Variants in PEX7 observed in about 807,000 individuals in gnomAD.
PEX7 encodes the protein peroxisomal biogenesis factor 7.
In PEX7, 34 loss-of-function variants were observed where a neutral mutation model predicts 47.5. The observed-to-expected ratio is 0.72, with a 90% CI of 0.54 to 0.95. PEX7 has a LOEUF of 0.95. Ranked by LOEUF, PEX7 falls within the 40% of genes least tolerant of loss-of-function variation. The pLI, the probability that PEX7 is intolerant of heterozygous loss-of-function variation, is 0.00. For missense variants in PEX7, 394 were observed against 400.3 expected (o/e 0.98, Z 0.13); for synonymous variants, 141 against 148.8 (o/e 0.95, Z 0.38).
chr6:136,845,716 A>G (rs751370922), intron 4 of PEX7, 24 bp downstream of exon 4: 2 of 1,372,042 alleles, frequency 1.5e-6, no homozygotes, highest in South Asian at 1.2e-5. Context: ...ATTGTATTCA[A>G]AAACGAATAT....
Position 136,866,168 on chromosome 6 carries a change from C to T in PEX7, c.527-459C>T, listed in dbSNP as rs1036037808. Among the ~76,000 whole-genome samples the T allele has an allele frequency of 1.1e-4, 16 of 151,586 alleles. No individual in the cohort carries two copies. The East Asian group carries it at 1.5e-3, about 15-fold the overall frequency. ...GAGAAAAATACACTTATAGCTGGCC[C>T]GTTAAAATATAGTATACTTGACAAT... is the stretch of plus-strand genomic sequence containing the variant. On this transcript the variant is annotated intron_variant, in intron 5 of 9. Transcript: ENST00000318471.
At position 136,846,295 on chromosome 6, in the gene PEX7, T is replaced by C. The variant is rs1774599538; in HGVS notation, c.526+114T>C. On this transcript the variant is annotated intron_variant, in intron 5 of 9. Coordinates refer to ENST00000318471, the MANE Select transcript of PEX7 (RefSeq NM_000288.4). ...CAGAGAGAAAACAGGAGAATATTAC[T>C]ATTCTTTTGTGTTCTTAAGACTTTA... 5 of 545,324 alleles carry C rather than the reference T, an allele frequency of 9.2e-6. No homozygotes were observed. The South Asian group carries it at 1.2e-4, about 14-fold the overall frequency. 33.8% of individuals were successfully genotyped at this position (545,324 alleles called of 1,614,324 possible).
chr6:136,847,540 T>A (rs1275510060), intron 5 of PEX7, among the ~76,000 whole-genome samples: 3 of 151,616 alleles, frequency 2.0e-5, no homozygotes, highest in Non-Finnish European at 2.9e-5. Context: ...AAGGAAGGGA[T>A]CCAGTTTCAG....
In PEX7 at chr6:136,825,237, G is replaced by C; in HGVS notation, c.154G>C (p.Asp52His). 1 of 1,613,844 alleles carries C rather than the reference G, an allele frequency of 6.2e-7. No individual in the cohort carries two copies. Among genetic ancestry groups the C allele is most frequent in the South Asian group, 1.1e-5 (1 of 91,074 alleles). The change falls in exon 2 of 10, where the codon GAT becomes CAT. Residue 52 changes from aspartate to histidine, a missense_variant. By Grantham distance (81) the Asp-to-His change is moderately conservative (BLOSUM62 -1). Coordinates refer to ENST00000318471, the MANE Select transcript of PEX7 (RefSeq NM_000288.4). ...IAGCGTLLIL[D>H]PDEAGLRLFR... Reference sequence around the variant, plus strand: ...AGGCTGTGGAACCCTACTAATATTGGATCCAGATGAAGCTGGGCTAAGGCT... The same window carrying C: ...AGGCTGTGGAACCCTACTAATATTGCATCCAGATGAAGCTGGGCTAAGGCT...
chr6:136,904,332 C>T (rs1775803144), intron 9 of PEX7, among the ~76,000 whole-genome samples: 1 of 152,150 alleles, frequency 6.6e-6, no homozygotes, highest in South Asian at 2.1e-4. Context: ...GTTGTTTTCG[C>T]CAAGCCATAA....
intron 5 of PEX7, among the ~76,000 whole-genome samples, chr6:136,860,532 C>T (rs7753041): frequency 7.4e-4 from 106 of 143,956 alleles, no homozygotes; most frequent in African/African-American, 2.1e-3. Context: ...TGGGGGAAGG[C>T]GGGAGGGATA....
intron 5 of PEX7, among the ~76,000 whole-genome samples, chr6:136,848,936 C>T (rs1207507193): frequency 6.6e-6 from 1 of 152,140 alleles, no homozygotes; most frequent in Non-Finnish European, 1.5e-5. Context: ...GTACCAGCTC[C>T]TCTTTATACC....
At position 136,846,072 on chromosome 6, in the gene PEX7, G is replaced by C. The variant is rs773406384; in HGVS notation, c.418-1G>C. On this transcript the variant is annotated splice_acceptor_variant, in intron 4 of 9. Coordinates refer to ENST00000318471, the MANE Select transcript of PEX7 (RefSeq NM_000288.4). LOFTEE classifies it high-confidence loss of function. ...TAATTGATCTATTCATTTATTTGTA[G>C]TGGGATCCAACTGTTGGAAAGTCTC... The C allele has an allele frequency of 6.3e-7, 1 of 1,592,122 alleles. No homozygotes were observed. The highest frequency in any genetic ancestry group is 1.7e-5 in the Admixed American group (1 of 59,956).
intron 5 of PEX7, among the ~76,000 whole-genome samples, chr6:136,865,487 T>C (rs999621285): frequency 1.3e-5 from 2 of 151,908 alleles, no homozygotes; most frequent in African/African-American, 4.8e-5. Flanking sequence ...TTAGTAGAGA[T>C]AGGGTTTCAT....
intron 8 of PEX7, among the ~76,000 whole-genome samples, chr6:136,890,988 A>C (rs1562754273): frequency 6.6e-6 from 1 of 152,212 alleles, no homozygotes. Context: ...TCAAGCATTT[A>C]TTTGAAGCTG....
chr6:136,894,799 A>G (rs1775620456), intron 8 of PEX7, among the ~76,000 whole-genome samples: 1 of 152,204 alleles, frequency 6.6e-6, no homozygotes, highest in South Asian at 2.1e-4. Context: ...TTTACTTCCC[A>G]TGAGGGAGAT....
intron 5 of PEX7, among the ~76,000 whole-genome samples, chr6:136,855,194 G>A (rs1385446332): frequency 6.6e-6 from 1 of 151,988 alleles, no homozygotes. Flanking sequence ...AATTAATAAT[G>A]AGAATATAAT....
intron 8 of PEX7, among the ~76,000 whole-genome samples, chr6:136,873,125 G>A (rs1775210696): frequency 6.6e-6 from 1 of 152,038 alleles, no homozygotes; most frequent in Non-Finnish European, 1.5e-5. Flanking sequence ...GCAAAACATT[G>A]ACATGGTTTC....
chr6:136,882,720 G>T (rs764431540), intron 8 of PEX7, among the ~76,000 whole-genome samples: 4 of 152,032 alleles, frequency 2.6e-5, no homozygotes, highest in African/African-American at 7.2e-5. Context: ...ACTTTACGCC[G>T]TGAAGTGACC....
rs2115216304 is a variant in PEX7, at chr6:136,866,518, C to G, written c.527-109C>G. ...AAATAAGTCTGAAGGTGGCAATATCCTAACACTGAAAGCAGTGTATTTTTA... is the reference window on the plus strand; with the variant it reads ...AAATAAGTCTGAAGGTGGCAATATCGTAACACTGAAAGCAGTGTATTTTTA... On this transcript the variant is annotated intron_variant, in intron 5 of 9. Coordinates refer to ENST00000318471, the MANE Select transcript of PEX7 (RefSeq NM_000288.4). The G allele has an allele frequency of 1.1e-5, 10 of 881,044 alleles. No individual in the cohort carries two copies. In the South Asian group the frequency reaches 1.3e-4, roughly 11 times the overall value. 54.6% of individuals were successfully genotyped at this position (881,044 alleles called of 1,614,324 possible). A position where few individuals can be genotyped will look rare whatever the true frequency, so the allele number is the denominator to read the frequency against.
chr6:136,890,646 A>T (rs953755998), intron 8 of PEX7, among the ~76,000 whole-genome samples: 1 of 152,188 alleles, frequency 6.6e-6, no homozygotes, highest in Non-Finnish European at 1.5e-5. Flanking sequence ...AGCAGTGCAG[A>T]CATTCCACTA....
intron 3 of PEX7, among the ~76,000 whole-genome samples, chr6:136,843,806 A>G (rs1582743507): frequency 1.3e-5 from 2 of 151,934 alleles, no homozygotes; most frequent in East Asian, 3.9e-4. Context: ...TGCTTCCTTT[A>G]GTGTTCCAAC....
chr6:136,875,929 C>G (rs1775262596), intron 8 of PEX7, among the ~76,000 whole-genome samples: 1 of 152,082 alleles, frequency 6.6e-6, no homozygotes, highest in South Asian at 2.1e-4. Flanking sequence ...TTCAGTTATG[C>G]CTTGTCTCAT....
chr6:136,848,289 C>G lies in PEX7; in HGVS notation c.526+2108C>G, dbSNP rs147159517. Among the ~76,000 whole-genome samples the G allele has an allele frequency of 3.9e-5, 6 of 152,266 alleles. No individual in the cohort carries two copies. In the East Asian group the frequency reaches 1.2e-3, roughly 29 times the overall value. On this transcript the variant is annotated intron_variant, in intron 5 of 9. Transcript: ENST00000318471. The stretch of plus-strand genomic sequence containing the variant: ...AATACACAATCATGTCATCTGCAAA[C>G]AGGGACAATTTGACTTCCTCTTTTC...
Sources: gnomAD v4.1 joint callset for allele counts (sites outside exome capture counted in the v4.1 genomes callset) on GRCh38, gnomAD v4.1.1 for gene constraint, MANE v1.5 for transcripts, NCBI Gene and HGNC (gene_info 2026-07-23, HGNC 2026-07-21) for gene names.